Variants in DGKD observed in about 807,000 individuals in gnomAD.
DGKD encodes diacylglycerol kinase delta.
In DGKD, 68 loss-of-function variants were observed where a neutral mutation model predicts 154.4. That is an observed-to-expected ratio of 0.44 (90% CI 0.36 to 0.54). The LOEUF (loss-of-function observed/expected upper bound fraction) is 0.54, where lower values mean the gene tolerates loss of function less well. DGKD is among the 20% of genes least tolerant of loss of function. DGKD has a pLI of 0.00. For missense variants in DGKD, 1,343 were observed against 1,593.6 expected (o/e 0.84, Z 2.68); for synonymous variants, 693 against 638.0 (o/e 1.09, Z -1.30).
intron 3 of DGKD, among the ~76,000 whole-genome samples, chr2:233,397,430 C>G (rs2061438465): frequency 7.4e-6 from 1 of 135,906 alleles, no homozygotes; most frequent in Admixed American, 7.6e-5. Context: ...CAGAGGGGAC[C>G]AGGGTGGCTG....
chr2:233,374,724 C>A lies in DGKD; in HGVS notation c.157-13533C>A, dbSNP rs1672148416. Among the ~76,000 whole-genome samples, 3 of 152,106 alleles carry A rather than the reference C, an allele frequency of 2.0e-5. No individual in the cohort carries two copies. The South Asian group carries it at 6.2e-4, about 32-fold the overall frequency. ...GTGGTTCAGTCATAGCTCACTGGAG[C>A]CTAAATTCCTGGGTTCAAGCAACTT... is the stretch of plus-strand genomic sequence containing the variant. On this transcript the variant is annotated intron_variant, in intron 1 of 29. Coordinates refer to ENST00000264057, the MANE Select transcript of DGKD (RefSeq NM_152879.3).
intron 1 of DGKD, among the ~76,000 whole-genome samples, chr2:233,371,425 T>C (rs765943853): frequency 2.6e-5 from 4 of 152,186 alleles, no homozygotes; most frequent in Non-Finnish European, 5.9e-5. Context: ...GAGTTTTTTA[T>C]ATATTTTGGG....
At chr2:233,377,812 G>T (rs1214342928) in intron 1 of DGKD, among the ~76,000 whole-genome samples, 1 of 151,906 alleles carries the variant, frequency 6.6e-6, no homozygotes, top group South Asian at 2.1e-4. Context: ...TGGTTTTTTT[G>T]TTTGTTTGTT....
At chr2:233,379,732 T>A (rs1702785771) in intron 1 of DGKD, 1 of 152,112 alleles carries the variant, frequency 6.6e-6, no homozygotes, top group Non-Finnish European at 1.5e-5. Flanking sequence ...TTGGCAAAAA[T>A]TCATATTTCC....
chr2:233,367,782 G>A (rs1702100546), intron 1 of DGKD, among the ~76,000 whole-genome samples: 2 of 151,832 alleles, frequency 1.3e-5, no homozygotes, highest in African/African-American at 4.8e-5. Context: ...GTCCTGTCAG[G>A]CTGTCCCCCT....
chr2:233,380,859 G>T (rs1291809281), intron 1 of DGKD, among the ~76,000 whole-genome samples: 3 of 152,086 alleles, frequency 2.0e-5, no homozygotes, highest in Admixed American at 2.0e-4. Flanking sequence ...TCACATTAGT[G>T]GGGGCAGGAA....
intron 3 of DGKD, among the ~76,000 whole-genome samples, chr2:233,394,130 A>G (rs1703836733): frequency 6.6e-6 from 1 of 152,186 alleles, no homozygotes; most frequent in African/African-American, 2.4e-5. Context: ...ATGTATTTCT[A>G]ACAGTTTTCA....
intron 1 of DGKD, among the ~76,000 whole-genome samples, chr2:233,360,057 A>T (rs1456484125): frequency 1.3e-5 from 2 of 152,116 alleles, no homozygotes; most frequent in Non-Finnish European, 1.5e-5. Flanking sequence ...TTCCAAGCAC[A>T]GTCTGCTAAT....
rs150671461 is a variant in DGKD at position 233,440,288 on chromosome 2, T to G, written c.1086-1599T>G. Among the ~76,000 whole-genome samples the G allele has an allele frequency of 2.3e-3, 350 of 152,240 alleles. 1 individual carries two copies. The highest frequency in any genetic ancestry group is 8.0e-3 in the African/African-American group (334 of 41,546). On this transcript the variant is annotated intron_variant, in intron 9 of 29. Transcript: ENST00000264057. This position sits in a 1 kb window ranked among gnomAD's most constrained non-coding sequence, Gnocchi z 4.9. ...TCCCGAGAGCAGGGGGCCTTACAGG[T>G]GTCAGTGTTCTGTGTGGAGCCTGGG...
At chr2:233,359,199 C>A (rs866280980) in intron 1 of DGKD, among the ~76,000 whole-genome samples, 3 of 152,130 alleles carry the variant, frequency 2.0e-5, no homozygotes, top group East Asian at 1.9e-4. Flanking sequence ...ATGAAGCATG[C>A]GATTGTGGAC....
At chr2:233,461,867 G>A (rs78446243) in intron 24 of DGKD, among the ~76,000 whole-genome samples, 2,388 of 152,342 alleles carry the variant, frequency 0.016, 75 homozygotes, top group African/African-American at 0.055. Flanking sequence ...TGCTCTCACC[G>A]TCTTCCCTAT....
intron 1 of DGKD, among the ~76,000 whole-genome samples, chr2:233,357,771 A>T (rs188808254): frequency 1.4e-3 from 220 of 152,158 alleles, no homozygotes; most frequent in Non-Finnish European, 2.5e-3. Flanking sequence ...TCCTGAGCTC[A>T]AGTAATACAC....
chr2:233,453,621 T>C (rs1274173465), intron 18 of DGKD, among the ~76,000 whole-genome samples: 1 of 152,232 alleles, frequency 6.6e-6, no homozygotes, highest in Non-Finnish European at 1.5e-5. Flanking sequence ...CATCCACCCA[T>C]TGAGTTTCTT....
Position 233,448,170 on chromosome 2 carries a change from C to G in DGKD, c.1503C>G (p.Ile501Met). The G allele has an allele frequency of 1.9e-6, 3 of 1,614,220 alleles. No individual in the cohort carries two copies. ...ILTSDQHSVV[I>M]SSAKVLCETV... ...CCTCGGACCAGCACTCGGTGGTCAT[C>G]TCCTCGGCCAAGTGAGTGCCTGGTG... The change falls in exon 13 of 30, where the codon ATC becomes ATG. Residue 501 changes from isoleucine to methionine, a missense_variant. Physicochemically the swap from Ile to Met is conservative, Grantham distance 10. Coordinates refer to ENST00000264057, the MANE Select transcript of DGKD (RefSeq NM_152879.3).
At chr2:233,401,605 T>C (rs1165611111) in intron 3 of DGKD, among the ~76,000 whole-genome samples, 2 of 152,086 alleles carry the variant, frequency 1.3e-5, no homozygotes, top group Non-Finnish European at 2.9e-5. Flanking sequence ...AGAAGGGTCA[T>C]ATTCTGCCCA....
chr2:233,434,798 A>G lies in DGKD; in HGVS notation c.483A>G (p.Ser161=). Residue 161 remains serine (S), a synonymous_variant, in exon 5 of 30, where the codon TCA becomes TCG. Transcript: ENST00000264057. ...CCCAGTACAGCATGGACCACTTCTC[A>G]GGGATGCACAATTGGTACGCCTGTT... ...EPTQYSMDHF[S]GMHNWYACSH... 1 of 1,614,156 alleles carries G rather than the reference A, an allele frequency of 6.2e-7. No individual in the cohort carries two copies. Among genetic ancestry groups the G allele is most frequent in the Non-Finnish European group, 8.5e-7 (1 of 1,179,998 alleles).
chr2:233,462,000 G>A (rs1185976760), intron 24 of DGKD, among the ~76,000 whole-genome samples: 1 of 152,236 alleles, frequency 6.6e-6, no homozygotes, highest in African/African-American at 2.4e-5. Flanking sequence ...AAGGCTGTGG[G>A]GATTGTGCCT....
chr2:233,447,534 T>G, intron 12 of DGKD: 2 of 985,352 alleles, frequency 2.0e-6, no homozygotes, highest in Non-Finnish European at 2.4e-6. Flanking sequence ...AAATTTTTTT[T>G]TTGAGAGGAA....
chr2:233,395,769 A>G (rs1291520915), intron 3 of DGKD, among the ~76,000 whole-genome samples: 3 of 151,302 alleles, frequency 2.0e-5, no homozygotes, highest in Non-Finnish European at 2.9e-5. Flanking sequence ...ATCAGGCTCA[A>G]GCGATCCACC....
Sources: gnomAD v4.1 joint callset for allele counts (sites outside exome capture counted in the v4.1 genomes callset) on GRCh38, gnomAD v4.1.1 for gene constraint, Gnocchi (gnomAD v3.1) non-coding constraint, MANE v1.5 for transcripts, NCBI Gene and HGNC (gene_info 2026-07-23, HGNC 2026-07-21) for gene names.